EYA4: variants seen among roughly 807,000 people sequenced by gnomAD.
EYA4 encodes protein phosphatase EYA4.
In EYA4, 31 loss-of-function variants were observed where a neutral mutation model predicts 87.9. The ratio of observed to expected loss-of-function variants is 0.35; its 90% CI spans 0.27 to 0.48. EYA4 has a LOEUF of 0.48. EYA4 is among the 20% of genes least tolerant of loss of function. The pLI, the probability that EYA4 is intolerant of heterozygous loss-of-function variation, is 0.99. For missense variants in EYA4, 678 were observed against 761.4 expected (o/e 0.89, Z 1.29); for synonymous variants, 263 against 270.6 (o/e 0.97, Z 0.28).
intron 3 of EYA4, among the ~76,000 whole-genome samples, chr6:133,439,009 T>C (rs901234179): frequency 1.7e-5 from 2 of 119,282 alleles, no homozygotes; most frequent in African/African-American, 3.2e-5. Context: ...ACCACTGCAC[T>C]ACTGTACTCC....
At chr6:133,356,721 C>T (rs1431159384) in intron 2 of EYA4, among the ~76,000 whole-genome samples, 3 of 147,732 alleles carry the variant, frequency 2.0e-5, no homozygotes, top group African/African-American at 7.5e-5. Flanking sequence ...TATCTATTAG[C>T]ATTTGAAGTG....
intron 14 of EYA4, chr6:133,510,503 C>T: frequency 3.0e-6 from 1 of 328,484 alleles, no homozygotes; most frequent in South Asian, 3.0e-5. Context: ...AACCCTTATG[C>T]TAATGGGTAA....
chr6:133,425,706 A>G (rs1392683398), intron 3 of EYA4, among the ~76,000 whole-genome samples: 1 of 150,574 alleles, frequency 6.6e-6, no homozygotes, highest in Non-Finnish European at 1.5e-5. Flanking sequence ...GTTTAGCTCT[A>G]ACTATCTCTT....
At chr6:133,461,050 T>A in intron 6 of EYA4, 64 bp from the exon 7 acceptor site, 1 of 1,049,096 alleles carries the variant, frequency 9.5e-7, no homozygotes, top group Non-Finnish European at 1.5e-6. Flanking sequence ...ATTGGTTATG[T>A]ACACTCTAGT....
At chr6:133,458,452 A>G (rs1794095323) in intron 6 of EYA4, among the ~76,000 whole-genome samples, 1 of 152,120 alleles carries the variant, frequency 6.6e-6, no homozygotes, top group Non-Finnish European at 1.5e-5. Context: ...TGGACAGCTC[A>G]GATACAGAAC....
intron 5 of EYA4, among the ~76,000 whole-genome samples, chr6:133,454,566 AGAT>A (rs971201643): frequency 6.6e-6 from 1 of 152,160 alleles, no homozygotes; most frequent in Non-Finnish European, 1.5e-5. Context: ...TGAAAAATAA[AGAT>A]GATGATATTA....
chr6:133,260,461 C>A (rs1181578297), intron 1 of EYA4, among the ~76,000 whole-genome samples: 2 of 152,162 alleles, frequency 1.3e-5, no homozygotes, highest in African/African-American at 4.8e-5. Context: ...TGGCCTCAAA[C>A]TCCTGACCTC....
At position 133,522,987 on chromosome 6, in the gene EYA4, A is replaced by G; in HGVS notation, c.1617-69A>G. 2.2e-6 allele frequency: 3 copies of G among 1,374,840 alleles called. No homozygotes were observed. In the South Asian group the frequency reaches 3.5e-5, roughly 16 times the overall value. The allele number at this position is 1,374,840 out of a possible 1,614,324, so 85.2% of individuals were successfully genotyped here. ...ATTAAGGAATTTAGAGACCACAGTG[A>G]CAATTTTAAATCTATTAGAAGTTAT... On this transcript the variant is annotated intron_variant, in intron 17 of 19. Transcript: ENST00000355286.
rs1021907877 is a variant in EYA4 at position 133,525,385 on chromosome 6, G to A, written c.1839+131G>A. 6.0e-5 allele frequency: 47 copies of A among 785,916 alleles called. No homozygotes were observed. The African/African-American group carries it at 6.7e-4, about 11-fold the overall frequency. 48.7% of individuals were successfully genotyped at this position (785,916 alleles called of 1,614,324 possible). A position where few individuals can be genotyped will look rare whatever the true frequency, so the allele number is the denominator to read the frequency against. ...TAGATGCAAAGCAATAAGAGCATGAGAGGGTCAATACTTACATTCAAATAA... is the reference window on the plus strand; with the variant it reads ...TAGATGCAAAGCAATAAGAGCATGAAAGGGTCAATACTTACATTCAAATAA... On this transcript the variant is annotated intron_variant, in intron 19 of 19. Transcript: ENST00000355286.
intron 3 of EYA4, among the ~76,000 whole-genome samples, chr6:133,385,380 GTATGCTCTCTC>G (rs1786634583): frequency 7.0e-6 from 1 of 142,078 alleles, no homozygotes; most frequent in Non-Finnish European, 1.5e-5. Context: ...GTGTGTGTAT[GTATGCTCTCTC>G]TGTGTGTGTG....
In EYA4 at chr6:133,513,043, G is replaced by A. The variant is rs763525573; in HGVS notation, c.1501+5G>A. ...CCTACAAGAACAACGTTGGAGGTATGTGTGGCTTTTTCAATCTAACAAAGG... is the reference window on the plus strand; with the variant it reads ...CCTACAAGAACAACGTTGGAGGTATATGTGGCTTTTTCAATCTAACAAAGG... On this transcript the variant is annotated splice_donor_5th_base_variant and intron_variant, in intron 16 of 19. Transcript: ENST00000355286. 1.2e-6 allele frequency: 2 copies of A among 1,613,414 alleles called. No homozygotes were observed. The highest frequency in any genetic ancestry group is 1.1e-5 in the South Asian group (1 of 91,050).
intron 2 of EYA4, among the ~76,000 whole-genome samples, chr6:133,314,034 C>G (rs1475312840): frequency 6.6e-6 from 1 of 152,020 alleles, no homozygotes; most frequent in Non-Finnish European, 1.5e-5. Context: ...TTTAAAAAAT[C>G]TTATTTTAAG....
chr6:133,254,430 C>CT (rs1391791917), intron 1 of EYA4, among the ~76,000 whole-genome samples: 1 of 151,832 alleles, frequency 6.6e-6, no homozygotes, highest in Non-Finnish European at 1.5e-5. Flanking sequence ...GAAATTACAT[C>CT]TTTTTTTTCA....
chr6:133,324,026 G>T (rs1425103291), intron 2 of EYA4, among the ~76,000 whole-genome samples: 1 of 152,088 alleles, frequency 6.6e-6, no homozygotes, highest in African/African-American at 2.4e-5. Flanking sequence ...TCCATGTGAA[G>T]AAGTTTGAGT....
chr6:133,252,993 ACTCT>A lies in EYA4; in HGVS notation c.-66+11254_-66+11257del, dbSNP rs150275940. ...CACACACACACACACACACACACTCACTCTCTCTCTCTCACTTCCTTTGATTTGT... is the reference window on the plus strand; with the variant it reads ...CACACACACACACACACACACACTCACTCTCTCTCACTTCCTTTGATTTGT... On this transcript the variant is annotated intron_variant, in intron 1 of 19. Coordinates refer to ENST00000355286, the MANE Select transcript of EYA4 (RefSeq NM_004100.5). Among the ~76,000 whole-genome samples the A allele has an allele frequency of 7.2e-3, 1,019 of 141,680 alleles. 10 individuals are homozygous for A. Among genetic ancestry groups the A allele is most frequent in the Middle Eastern group, 0.014 (4 of 282 alleles). 92.9% of individuals were successfully genotyped at this position (141,680 alleles called of 152,430 possible). A position where few individuals can be genotyped will look rare whatever the true frequency, so the allele number is the denominator to read the frequency against.
At chr6:133,402,203 A>G (rs1002893293) in intron 3 of EYA4, among the ~76,000 whole-genome samples, 4 of 151,980 alleles carry the variant, frequency 2.6e-5, no homozygotes, top group Non-Finnish European at 4.4e-5. Context: ...TCTTTACACC[A>G]TTGTAGAATT....
intron 13 of EYA4, among the ~76,000 whole-genome samples, chr6:133,501,388 G>A (rs1010993286): frequency 2.0e-5 from 3 of 151,848 alleles, no homozygotes; most frequent in Admixed American, 6.6e-5. Flanking sequence ...GAATTTGAAC[G>A]TGTCTAATAC....
intron 2 of EYA4, among the ~76,000 whole-genome samples, chr6:133,342,315 G>T (rs1782842701): frequency 6.8e-6 from 1 of 147,132 alleles, no homozygotes; most frequent in Admixed American, 6.7e-5. Flanking sequence ...AAGCCCTTCT[G>T]GGGACTGGAA....
chr6:133,498,388 A>G (rs1797815903), intron 13 of EYA4, among the ~76,000 whole-genome samples: 2 of 152,206 alleles, frequency 1.3e-5, no homozygotes, highest in East Asian at 1.9e-4. Context: ...AAAAGTAGTA[A>G]TTTGATTCTG....
Sources: allele counts gnomAD v4.1 joint callset (sites outside exome capture counted in the v4.1 genomes callset), GRCh38; gene constraint gnomAD v4.1.1; transcripts MANE v1.5; gene names NCBI Gene and HGNC (gene_info 2026-07-23, HGNC 2026-07-21).